Variants in HTR4 observed in about 807,000 individuals in gnomAD.
The protein encoded by HTR4 is 5-hydroxytryptamine (serotonin) receptor 4, G protein-coupled.
HTR4 carries 16 observed loss-of-function variants against 36.8 expected under a neutral mutation model. That is an observed-to-expected ratio of 0.43 (90% CI 0.29 to 0.66). HTR4 has a LOEUF of 0.66. HTR4 is among the 30% of genes least tolerant of loss of function. The pLI, the probability that HTR4 is intolerant of heterozygous loss-of-function variation, is 0.13. For missense variants in HTR4, 438 were observed against 490.9 expected (o/e 0.89, Z 1.02); for synonymous variants, 189 against 185.1 (o/e 1.02, Z -0.17).
chr5:148,505,186 G>T (rs1345927676), intron 6 of HTR4, among the ~76,000 whole-genome samples: 2 of 152,152 alleles, frequency 1.3e-5, no homozygotes, highest in African/African-American at 4.8e-5. Context: ...AATCAAGTGG[G>T]CTTCATCCCT....
chr5:148,497,545 T>C lies in HTR4; in HGVS notation c.1076+11911A>G, dbSNP rs1028750199. ...AGATGATAAGACATCATTGTCTTAT[T>C]CCTCACTTTAGTGGGAATGCAGCTA... is the stretch of plus-strand genomic sequence containing the variant. On this transcript the variant is annotated intron_variant, in intron 6 of 6. Coordinates refer to ENST00000377888, the MANE Select transcript of HTR4 (RefSeq NM_000870.7). Among the ~76,000 whole-genome samples the C allele has an allele frequency of 2.6e-5, 4 of 152,228 alleles. No homozygotes were observed. The East Asian group carries it at 7.7e-4, about 29-fold the overall frequency.
chr5:148,503,161 G>A (rs889254149), intron 6 of HTR4, among the ~76,000 whole-genome samples: 2 of 152,084 alleles, frequency 1.3e-5, no homozygotes, highest in Admixed American at 6.6e-5. Context: ...GATACTCCTC[G>A]AGAAGAGCAA....
intron 4 of HTR4, among the ~76,000 whole-genome samples, chr5:148,530,224 T>C (rs1167557875): frequency 6.6e-6 from 1 of 152,142 alleles, no homozygotes; most frequent in Non-Finnish European, 1.5e-5. Context: ...AGAAGCTGAA[T>C]GTTAATCCCC....
At chr5:148,622,615 T>C (rs1752954699) in intron 2 of HTR4, among the ~76,000 whole-genome samples, 1 of 152,248 alleles carries the variant, frequency 6.6e-6, no homozygotes, top group Non-Finnish European at 1.5e-5. Flanking sequence ...TTCTGTTATT[T>C]ACTAGCGGTG....
intron 6 of HTR4, among the ~76,000 whole-genome samples, chr5:148,498,455 G>A (rs1756783281): frequency 2.6e-5 from 4 of 152,054 alleles, no homozygotes; most frequent in Admixed American, 2.6e-4. Flanking sequence ...AAGAGAATCA[G>A]GAACACCTTT....
Position 148,483,143 on chromosome 5 carries a change from G to A in HTR4, c.*60C>T. ...CGGGTGCAGTCGCGCACAAGCAGCA[G>A]CTTAGGACCTGGCCCTCTTTCGGAG... is the stretch of plus-strand genomic sequence containing the variant. On this transcript the variant is annotated 3_prime_UTR_variant, in exon 7 of 7. Coordinates refer to ENST00000377888, the MANE Select transcript of HTR4 (RefSeq NM_000870.7). 3.7e-6 allele frequency: 6 copies of A among 1,612,312 alleles called. No homozygotes were observed. Among genetic ancestry groups the A allele is most frequent in the Non-Finnish European group, 5.1e-6 (6 of 1,179,082 alleles).
intron 5 of HTR4, among the ~76,000 whole-genome samples, chr5:148,466,528 T>G (rs1432014472): frequency 6.6e-6 from 1 of 152,100 alleles, no homozygotes; most frequent in African/African-American, 2.4e-5. Context: ...CACAGTTAGA[T>G]ATGTCACTGA....
chr5:148,476,877 T>C, downstream of HTR4: 1 of 1,390,064 alleles, frequency 7.2e-7, no homozygotes, highest in Non-Finnish European at 9.7e-7. Flanking sequence ...TCCTGGAGGC[T>C]GGAAAAGACT....
chr5:148,482,309 G>C lies in HTR4; in HGVS notation c.*894C>G, dbSNP rs1034041523. 1.2e-5 allele frequency: 12 copies of C among 985,380 alleles called. No individual in the cohort carries two copies. The highest frequency in any genetic ancestry group is 6.1e-5 in the Admixed American group (1 of 16,266). 61.0% of individuals were successfully genotyped at this position (985,380 alleles called of 1,614,324 possible). A position where few individuals can be genotyped will look rare whatever the true frequency, so the allele number is the denominator to read the frequency against. On this transcript the variant is annotated 3_prime_UTR_variant, in exon 7 of 7. Coordinates refer to ENST00000377888, the MANE Select transcript of HTR4 (RefSeq NM_000870.7). ...AATGATATCACAAGTTCATGGGAAA[G>C]ATCCTGAAGCCTAATAAACACCTAC...
At chr5:148,460,878 G>T (rs1210499517) in intron 5 of HTR4, among the ~76,000 whole-genome samples, 1 of 152,002 alleles carries the variant, frequency 6.6e-6, no homozygotes, top group African/African-American at 2.4e-5. Flanking sequence ...CCATCATAAA[G>T]TTGAAAAATT....
intron 4 of HTR4, among the ~76,000 whole-genome samples, chr5:148,545,160 G>A (rs768736497): frequency 6.6e-6 from 1 of 152,176 alleles, no homozygotes; most frequent in Non-Finnish European, 1.5e-5. Flanking sequence ...CTTGGGACAG[G>A]GAAAGCTGGA....
At chr5:148,579,685 C>T (rs2127242444) in intron 2 of HTR4, among the ~76,000 whole-genome samples, 1 of 152,126 alleles carries the variant, frequency 6.6e-6, no homozygotes, top group South Asian at 2.1e-4. Flanking sequence ...GCATAATTCA[C>T]TGTCTTGCAG....
At chr5:148,623,086 A>G (rs1403868343) in intron 2 of HTR4, among the ~76,000 whole-genome samples, 2 of 152,114 alleles carry the variant, frequency 1.3e-5, no homozygotes, top group Non-Finnish European at 2.9e-5. Context: ...TGCAAGAGAG[A>G]AAGAGAAACA....
At chr5:148,631,494 T>C (rs1454253050) in intron 2 of HTR4, among the ~76,000 whole-genome samples, 1 of 152,130 alleles carries the variant, frequency 6.6e-6, no homozygotes, top group Non-Finnish European at 1.5e-5. Context: ...GATAAGTCTT[T>C]AGGGCAAACA....
chr5:148,532,591 G>A (rs758852508), intron 4 of HTR4, among the ~76,000 whole-genome samples: 38 of 152,196 alleles, frequency 2.5e-4, no homozygotes, highest in Non-Finnish European at 4.0e-4. Context: ...CAGGATGGTG[G>A]AGGAGAAAGT....
At chr5:148,514,021 A>G (rs993004324) in intron 5 of HTR4, among the ~76,000 whole-genome samples, 1 of 152,036 alleles carries the variant, frequency 6.6e-6, no homozygotes, top group Admixed American at 6.6e-5. Context: ...ATTCTTTTGA[A>G]TTTTCTCCAG....
intron 2 of HTR4, among the ~76,000 whole-genome samples, chr5:148,604,952 T>G (rs1175269765): frequency 6.6e-6 from 1 of 152,224 alleles, no homozygotes; most frequent in Non-Finnish European, 1.5e-5. Flanking sequence ...GATGGCTGGC[T>G]ACCTATATAC....
intron 2 of HTR4, among the ~76,000 whole-genome samples, chr5:148,611,684 C>A (rs1418399080): frequency 6.6e-6 from 1 of 151,062 alleles, no homozygotes; most frequent in South Asian, 2.1e-4. Flanking sequence ...ACACTATTAA[C>A]TTTAAATGTA....
chr5:148,632,938 C>A (rs1753376187), intron 2 of HTR4, among the ~76,000 whole-genome samples: 1 of 152,014 alleles, frequency 6.6e-6, no homozygotes, highest in Admixed American at 6.6e-5. Context: ...AAATACAAGC[C>A]AAAGATGTTC....
Sources: allele counts gnomAD v4.1 joint callset (sites outside exome capture counted in the v4.1 genomes callset), GRCh38; gene constraint gnomAD v4.1.1; transcripts MANE v1.5; gene names NCBI Gene and HGNC (gene_info 2026-07-23, HGNC 2026-07-21).